The following XKR6 variants were observed in gnomAD, a reference collection of about 807,000 sequenced individuals.
XKR6 encodes XK-related protein 6.
A neutral mutation model predicts 56.7 loss-of-function variants in XKR6; 22 were observed. The ratio of observed to expected loss-of-function variants is 0.39; its 90% CI spans 0.28 to 0.55. The LOEUF (loss-of-function observed/expected upper bound fraction) is 0.55. Among genes scored for constraint, XKR6 ranks in the 20% least tolerant of loss-of-function variants. The pLI is 0.66. For synonymous variants in XKR6, 524 were observed against 387.8 expected, an observed-to-expected ratio of 1.35 and a Z score of -4.13; for missense variants, 852 against 889.0, an observed-to-expected ratio of 0.96 and a Z score of 0.53.
intron 2 of XKR6, among the ~76,000 whole-genome samples, chr8:10,919,106 C>T (rs779019740): frequency 2.6e-5 from 4 of 152,192 alleles, no homozygotes; most frequent in Non-Finnish European, 5.9e-5. Flanking sequence ...GGGGCCCTGC[C>T]TTTCTCTCCA....
At chr8:11,107,878 G>C (rs551419443) in intron 1 of XKR6, 1 of 193,380 alleles carries the variant, frequency 5.2e-6, no homozygotes, top group Non-Finnish European at 1.1e-5. Context: ...ATAAAAGACA[G>C]TGGTATCCTG....
intron 1 of XKR6, among the ~76,000 whole-genome samples, chr8:11,042,810 G>A (rs1799318485): frequency 6.6e-6 from 1 of 152,234 alleles, no homozygotes; most frequent in Non-Finnish European, 1.5e-5. Context: ...TTGGATCCCA[G>A]CAGTGGACCC....
chr8:11,058,143 T>C (rs1009899931), intron 1 of XKR6, among the ~76,000 whole-genome samples: 2 of 152,168 alleles, frequency 1.3e-5, no homozygotes, highest in South Asian at 2.1e-4. Flanking sequence ...GCGTGACCCA[T>C]GTGGGAGGCG....
chr8:11,100,956 G>A (rs1798451887), intron 1 of XKR6, among the ~76,000 whole-genome samples: 1 of 152,172 alleles, frequency 6.6e-6, no homozygotes, highest in Non-Finnish European at 1.5e-5. Flanking sequence ...GTGGTTAGGA[G>A]ACAGTTTCCT....
chr8:10,984,962 C>T (rs373567098), intron 1 of XKR6, among the ~76,000 whole-genome samples: 42 of 150,978 alleles, frequency 2.8e-4, no homozygotes, highest in Admixed American at 1.3e-3. Context: ...TTTTTTGAAA[C>T]GGGGTCCTGC....
chr8:11,199,503 G>T (rs1431433985), intron 1 of XKR6, among the ~76,000 whole-genome samples: 1 of 152,218 alleles, frequency 6.6e-6, no homozygotes, highest in Middle Eastern at 3.2e-3. Context: ...CAGAAGCCAT[G>T]CACTTGAAGA....
intron 2 of XKR6, among the ~76,000 whole-genome samples, chr8:10,906,229 G>A (rs1800186541): frequency 6.6e-6 from 1 of 152,190 alleles, no homozygotes; most frequent in African/African-American, 2.4e-5. Flanking sequence ...TTGGCAAATG[G>A]TACAAACCAG....
chr8:11,060,308 C>A (rs960033832), intron 1 of XKR6, among the ~76,000 whole-genome samples: 4 of 152,180 alleles, frequency 2.6e-5, no homozygotes, highest in African/African-American at 7.2e-5. Flanking sequence ...CTTCCTCCCG[C>A]CTCCCTGCCT....
intron 1 of XKR6, among the ~76,000 whole-genome samples, chr8:11,010,536 G>T (rs1298291454): frequency 6.6e-6 from 1 of 152,046 alleles, no homozygotes; most frequent in Admixed American, 6.6e-5. Context: ...CTAGCACAAT[G>T]CCTAGCACAC....
intron 2 of XKR6, among the ~76,000 whole-genome samples, chr8:10,918,386 C>G (rs1254623759): frequency 6.6e-6 from 1 of 152,206 alleles, no homozygotes; most frequent in African/African-American, 2.4e-5. Flanking sequence ...GCAGAAACAT[C>G]GCTTTCTGAC....
At chr8:11,040,872 T>C (rs1799270201) in intron 1 of XKR6, among the ~76,000 whole-genome samples, 1 of 152,144 alleles carries the variant, frequency 6.6e-6, no homozygotes, top group Non-Finnish European at 1.5e-5. Context: ...GTAGCGTCTC[T>C]CTCACAGGGG....
In XKR6 at chr8:10,898,666, G is replaced by T. The variant is rs139763869; in HGVS notation, c.1212C>A (p.Gly404=). ...WCAMAFWIIH[G]GTDFCMSKWE... The stretch of plus-strand genomic sequence containing the variant: ...ACTTGGACATGCAGAAGTCTGTTCC[G>T]CCATGGATGATCCAGAAGGCCATGG... The change falls in exon 3 of 3, where the codon GGC becomes GGA. Residue 404 remains glycine (G), a synonymous_variant. Coordinates refer to ENST00000416569, the MANE Select transcript of XKR6 (RefSeq NM_173683.4). The surrounding 1 kb of genome is among the most constrained non-coding windows in gnomAD (Gnocchi z 6.6). 4.3e-6 allele frequency: 7 copies of T among 1,613,980 alleles called. No homozygotes were observed. Among genetic ancestry groups the T allele is most frequent in the African/African-American group, 1.3e-5 (1 of 74,890 alleles).
Position 11,053,367 on chromosome 8 carries a change from T to G in XKR6, c.765-128537A>C, listed in dbSNP as rs958403033. The stretch of plus-strand genomic sequence containing the variant: ...TCTCCCGTGAGCGGCCTGACTCCCC[T>G]GCCACAAGGGTAAACCCATCAACCA... On this transcript the variant is annotated intron_variant, in intron 1 of 2. Coordinates refer to ENST00000416569, the MANE Select transcript of XKR6 (RefSeq NM_173683.4). 1.1e-4 allele frequency among the ~76,000 whole-genome samples: 16 copies of G among 152,222 alleles called. 1 individual carries two copies. Among genetic ancestry groups the G allele is most frequent in the Non-Finnish European group, 2.4e-4 (16 of 68,038 alleles).
chr8:11,155,716 G>A (rs74896954), intron 1 of XKR6, among the ~76,000 whole-genome samples: 7,712 of 152,114 alleles, frequency 0.051, 247 homozygotes, highest in South Asian at 0.11. Flanking sequence ...AGTCTCAATG[G>A]CCTCCCTACC....
chr8:11,114,008 G>A (rs570253720), intron 1 of XKR6: 4 of 398,912 alleles, frequency 1.0e-5, no homozygotes, highest in African/African-American at 6.4e-5. Flanking sequence ...TTCAGGACGA[G>A]GCGATCGCTC....
intron 1 of XKR6, among the ~76,000 whole-genome samples, chr8:11,141,858 G>C (rs1357496146): frequency 6.6e-6 from 1 of 152,122 alleles, no homozygotes; most frequent in Non-Finnish European, 1.5e-5. Flanking sequence ...ATCTTTGGTG[G>C]AGTAGGGAGC....
intron 2 of XKR6, among the ~76,000 whole-genome samples, chr8:10,900,578 C>A (rs913147448): frequency 6.6e-6 from 1 of 152,210 alleles, no homozygotes; most frequent in Non-Finnish European, 1.5e-5. Flanking sequence ...AGGGGCAACA[C>A]GATCCCAAGT....
chr8:10,911,044 G>A (rs1205884172), intron 2 of XKR6, among the ~76,000 whole-genome samples: 1 of 152,132 alleles, frequency 6.6e-6, no homozygotes, highest in Admixed American at 6.5e-5. Flanking sequence ...GAGATGCTCT[G>A]GAAAGGACAC....
intron 1 of XKR6, among the ~76,000 whole-genome samples, chr8:11,144,484 G>A (rs1800877705): frequency 6.6e-6 from 1 of 151,912 alleles, no homozygotes; most frequent in Non-Finnish European, 1.5e-5. Context: ...TTCAGGAAAT[G>A]AAAGGACCAC....
Sources: gnomAD v4.1 joint callset for allele counts (sites outside exome capture counted in the v4.1 genomes callset) on GRCh38, gnomAD v4.1.1 for gene constraint, Gnocchi (gnomAD v3.1) non-coding constraint, MANE v1.5 for transcripts, NCBI Gene and HGNC (gene_info 2026-07-23, HGNC 2026-07-21) for gene names.